The following SGCZ variants were observed in gnomAD, a reference collection of about 807,000 sequenced individuals.
SGCZ encodes the protein zeta-sarcoglycan.
SGCZ carries 40 observed loss-of-function variants against 41.3 expected under a neutral mutation model. That is an observed-to-expected ratio of 0.97 (90% CI 0.75 to 1.26). The LOEUF (loss-of-function observed/expected upper bound fraction) is 1.26. Ranked by LOEUF, SGCZ falls within the 50% of genes most tolerant of loss-of-function variation. SGCZ has a pLI of 0.00. For missense variants in SGCZ, 552 were observed against 369.8 expected (o/e 1.49, Z -4.04); for synonymous variants, 206 against 137.5 (o/e 1.50, Z -3.49).
chr8:15,141,627 T>C (rs988199863), intron 1 of SGCZ, among the ~76,000 whole-genome samples: 6 of 152,036 alleles, frequency 3.9e-5, no homozygotes, highest in South Asian at 4.1e-4. Flanking sequence ...ACCTCATCCA[T>C]GCACGGTGGC....
intron 5 of SGCZ, among the ~76,000 whole-genome samples, chr8:14,128,317 T>C (rs1183920332): frequency 6.6e-6 from 1 of 152,190 alleles, no homozygotes; most frequent in Admixed American, 6.5e-5. Flanking sequence ...TAAATGTCAC[T>C]GATTATCAGA....
chr8:14,966,019 T>C (rs533987190), intron 1 of SGCZ, among the ~76,000 whole-genome samples: 21 of 152,218 alleles, frequency 1.4e-4, no homozygotes, highest in Admixed American at 1.2e-3. Context: ...TTATTGCTTT[T>C]ATTATGATGA....
intron 3 of SGCZ, among the ~76,000 whole-genome samples, chr8:14,255,382 C>A (rs1412103302): frequency 6.6e-6 from 1 of 152,184 alleles, no homozygotes; most frequent in African/African-American, 2.4e-5. Flanking sequence ...AACTGTATCT[C>A]TTCCATTATC....
chr8:14,323,977 A>T (rs1802010847), intron 3 of SGCZ, 126 bp downstream of exon 3: 3 of 596,718 alleles, frequency 5.0e-6, no homozygotes, highest in Non-Finnish European at 8.7e-6. Context: ...ATTTCTAAAC[A>T]TAGGTGTTTA....
intron 2 of SGCZ, among the ~76,000 whole-genome samples, chr8:14,429,923 T>C (rs772374301): frequency 6.6e-6 from 1 of 152,160 alleles, no homozygotes; most frequent in Non-Finnish European, 1.5e-5. Context: ...CTATCTCCTC[T>C]AGTTTTCTAA....
chr8:14,706,918 C>A (rs1585197774), intron 1 of SGCZ, among the ~76,000 whole-genome samples: 1 of 148,248 alleles, frequency 6.7e-6, no homozygotes, highest in East Asian at 2.0e-4. Flanking sequence ...GCCAGAAATT[C>A]TTATTATTTA....
intron 7 of SGCZ, among the ~76,000 whole-genome samples, chr8:14,097,000 T>G (rs991962860): frequency 2.6e-5 from 4 of 152,104 alleles, no homozygotes; most frequent in African/African-American, 9.7e-5. Flanking sequence ...CTTTCCTTCT[T>G]TATTAGTCTG....
intron 1 of SGCZ, among the ~76,000 whole-genome samples, chr8:15,134,309 T>G (rs980566350): frequency 2.0e-5 from 3 of 151,006 alleles, no homozygotes; most frequent in Non-Finnish European, 3.0e-5. Flanking sequence ...TAGGTCTTTT[T>G]TTTTTTTGTT....
At chr8:14,427,810 G>A (rs1298302113) in intron 2 of SGCZ, among the ~76,000 whole-genome samples, 1 of 152,008 alleles carries the variant, frequency 6.6e-6, no homozygotes, top group African/African-American at 2.4e-5. Flanking sequence ...CCACACAGTT[G>A]GCCCTACTTA....
intron 1 of SGCZ, among the ~76,000 whole-genome samples, chr8:15,226,764 A>G (rs1415761476): frequency 1.3e-5 from 2 of 152,366 alleles, no homozygotes; most frequent in South Asian, 2.1e-4. Flanking sequence ...CAAGAAATAC[A>G]TACATATGTC....
intron 2 of SGCZ, among the ~76,000 whole-genome samples, chr8:14,354,837 ATTAT>A (rs1426912559): frequency 2.0e-5 from 3 of 151,964 alleles, no homozygotes; most frequent in African/African-American, 7.2e-5. Context: ...CACATGTTTA[ATTAT>A]TCTGTTAGTA....
chr8:15,103,561 T>C (rs1053062734), intron 1 of SGCZ, among the ~76,000 whole-genome samples: 1 of 152,124 alleles, frequency 6.6e-6, no homozygotes, highest in Non-Finnish European at 1.5e-5. Flanking sequence ...TGTTAATTTT[T>C]AGGTAATAAG....
At chr8:14,494,197 G>T (rs13280856) in intron 2 of SGCZ, among the ~76,000 whole-genome samples, 39,191 of 152,070 alleles carry the variant, frequency 0.26, 5,782 homozygotes, top group African/African-American at 0.41. Flanking sequence ...TTACTGGCCT[G>T]CATTAACAAG....
chr8:15,171,718 G>A (rs1799835452), intron 1 of SGCZ, among the ~76,000 whole-genome samples: 1 of 152,154 alleles, frequency 6.6e-6, no homozygotes, highest in Non-Finnish European at 1.5e-5. Context: ...TGAATAAAGT[G>A]GATATCAAGC....
chr8:14,467,402 G>C (rs960555890), intron 2 of SGCZ, among the ~76,000 whole-genome samples: 2 of 152,000 alleles, frequency 1.3e-5, no homozygotes, highest in African/African-American at 4.8e-5. Flanking sequence ...TCTATAATCA[G>C]AAGCAATAAT....
chr8:15,015,504 G>A (rs546368912), intron 1 of SGCZ, among the ~76,000 whole-genome samples: 15 of 151,786 alleles, frequency 9.9e-5, no homozygotes, highest in Non-Finnish European at 1.9e-4. Context: ...TGCAGACCAC[G>A]GTGAAACCCT....
At chr8:14,677,521 A>G (rs912295290) in intron 1 of SGCZ, among the ~76,000 whole-genome samples, 1 of 152,172 alleles carries the variant, frequency 6.6e-6, no homozygotes, top group Non-Finnish European at 1.5e-5. Flanking sequence ...CCTGTAATCC[A>G]GCTTTTTGAG....
intron 1 of SGCZ, among the ~76,000 whole-genome samples, chr8:15,085,758 T>G (rs1805925897): frequency 6.6e-6 from 1 of 152,200 alleles, no homozygotes; most frequent in East Asian, 1.9e-4. Flanking sequence ...ACGCTAGATA[T>G]GAATCCACCA....
At chr8:15,007,401 T>C (rs1274022222) in intron 1 of SGCZ, among the ~76,000 whole-genome samples, 2 of 152,218 alleles carry the variant, frequency 1.3e-5, no homozygotes, top group Non-Finnish European at 2.9e-5. Flanking sequence ...GAATTCAGCA[T>C]TGTAGTTCTC....
Sources: allele counts gnomAD v4.1 joint callset (sites outside exome capture counted in the v4.1 genomes callset), GRCh38; gene constraint gnomAD v4.1.1; transcripts MANE v1.5; gene names NCBI Gene and HGNC (gene_info 2026-07-23, HGNC 2026-07-21).